MYZAP: variants seen among roughly 807,000 people sequenced by gnomAD.
MYZAP encodes myocardial zonula adherens protein.
A neutral mutation model predicts 69.4 loss-of-function variants in MYZAP; 66 were observed. The ratio of observed to expected loss-of-function variants is 0.95; its 90% CI spans 0.78 to 1.17. The LOEUF is 1.17. Ranked by LOEUF, MYZAP falls within the 50% of genes most tolerant of loss-of-function variation. MYZAP has a pLI of 0.00. For missense variants in MYZAP, 611 were observed against 556.2 expected (o/e 1.10, Z -0.99); for synonymous variants, 256 against 205.9 (o/e 1.24, Z -2.09).
intron 2 of MYZAP, among the ~76,000 whole-genome samples, chr15:57,609,203 G>C (rs1358414408): frequency 1.3e-5 from 2 of 152,170 alleles, no homozygotes; most frequent in South Asian, 4.1e-4. Context: ...CACATAGTAG[G>C]TGCTTAATGA....
intron 2 of MYZAP, among the ~76,000 whole-genome samples, chr15:57,615,749 A>C (rs1030911097): frequency 2.0e-5 from 3 of 152,154 alleles, no homozygotes; most frequent in Non-Finnish European, 4.4e-5. Context: ...TTAACAGCTC[A>C]GTTACCCAAA....
chr15:57,684,835 A>G lies in MYZAP; in HGVS notation c.*337A>G, dbSNP rs1366180713. On this transcript the variant is annotated 3_prime_UTR_variant, in exon 13 of 13. Coordinates refer to ENST00000267853, the MANE Select transcript of MYZAP (RefSeq NM_001018100.5). ...GACTTTGGTTGGGAGGGAAAAGGACATTAATTTGAAGTTTCATGTTATTCA... is the reference window on the plus strand; with the variant it reads ...GACTTTGGTTGGGAGGGAAAAGGACGTTAATTTGAAGTTTCATGTTATTCA... The G allele has an allele frequency of 1.6e-5, 3 of 183,228 alleles. No individual in the cohort carries two copies. The highest frequency in any genetic ancestry group is 4.7e-5 in the African/African-American group (2 of 42,278). 11.4% of individuals were successfully genotyped at this position (183,228 alleles called of 1,614,324 possible).
chr15:57,627,429 A>C (rs1033732870), intron 5 of MYZAP, among the ~76,000 whole-genome samples: 6 of 149,016 alleles, frequency 4.0e-5, no homozygotes, highest in Admixed American at 4.0e-4. Context: ...GAGGAGGAGG[A>C]GGAGAAGGAG....
intron 3 of MYZAP, among the ~76,000 whole-genome samples, chr15:57,620,611 G>A (rs1041411852): frequency 1.2e-4 from 18 of 152,224 alleles, no homozygotes; most frequent in African/African-American, 4.3e-4. Flanking sequence ...GTGTTTTTGG[G>A]ATCACTTGAA....
At chr15:57,616,403 G>A (rs1217961009) in intron 2 of MYZAP, among the ~76,000 whole-genome samples, 1 of 152,156 alleles carries the variant, frequency 6.6e-6, no homozygotes, top group African/African-American at 2.4e-5. Context: ...ACTTTGGGGG[G>A]CCGAGGTGGG....
chr15:57,639,595 GA>G, intron 10 of MYZAP, 50 bp downstream of exon 10: 1 of 1,582,442 alleles, frequency 6.3e-7, no homozygotes, highest in South Asian at 1.1e-5. Context: ...CTGTGGTGGG[GA>G]AGCATCCCCA....
chr15:57,639,307 GA>G, intron 9 of MYZAP, 132 bp from the exon 10 acceptor site: 1 of 935,516 alleles, frequency 1.1e-6, no homozygotes, highest in Non-Finnish European at 1.6e-6. Flanking sequence ...TTGGCCTCTT[GA>G]AGTGTTGGGA....
intron 2 of MYZAP, among the ~76,000 whole-genome samples, 199 bp downstream of exon 2, chr15:57,604,554 G>A (rs191299482): frequency 8.7e-4 from 133 of 152,198 alleles, no homozygotes; most frequent in Non-Finnish European, 1.5e-3. Flanking sequence ...TGCCACCGAC[G>A]TGCCCTGCTC....
At position 57,611,947 on chromosome 15, in the gene MYZAP, T is replaced by C. The variant is rs146361479; in HGVS notation, c.163-6086T>C. Among the ~76,000 whole-genome samples, 793 of 152,310 alleles carry C rather than the reference T, an allele frequency of 5.2e-3. 8 individuals carry two copies. The highest frequency in any genetic ancestry group is 0.018 in the African/African-American group (748 of 41,566). On this transcript the variant is annotated intron_variant, in intron 2 of 12. Transcript: ENST00000267853. ...AGAGGTTTCAGTTTTTCTGAGAATA[T>C]TTATTTCCCAGGCTGTGGAAAGGCC... is the stretch of plus-strand genomic sequence containing the variant.
chr15:57,625,360 T>G (rs527581488), intron 4 of MYZAP, among the ~76,000 whole-genome samples: 112 of 152,278 alleles, frequency 7.4e-4, no homozygotes, highest in African/African-American at 2.6e-3. Context: ...AAAAACACTC[T>G]TGAGAATTGA....
Position 57,617,350 on chromosome 15 carries a change from A to G in MYZAP, c.163-683A>G, listed in dbSNP as rs117662061. Among the ~76,000 whole-genome samples, 1,215 of 152,314 alleles carry G rather than the reference A, an allele frequency of 8.0e-3. 11 individuals carry two copies. Among genetic ancestry groups the G allele is most frequent in the South Asian group, 0.045 (216 of 4,828 alleles). On this transcript the variant is annotated intron_variant, in intron 2 of 12. Coordinates refer to ENST00000267853, the MANE Select transcript of MYZAP (RefSeq NM_001018100.5). The stretch of plus-strand genomic sequence containing the variant: ...CCTGCTTGTTAAGCCTTCATTCTAT[A>G]AAGGCGTGTTAAGGCTTGGACATGT...
chr15:57,596,967 C>T lies in MYZAP; in HGVS notation c.75+4858C>T, dbSNP rs1393664774. 9.9e-5 allele frequency among the ~76,000 whole-genome samples: 15 copies of T among 152,158 alleles called. 1 individual carries two copies. The highest frequency in any genetic ancestry group is 1.5e-5 in the Non-Finnish European group (1 of 68,034). On this transcript the variant is annotated intron_variant, in intron 1 of 12. Coordinates refer to ENST00000267853, the MANE Select transcript of MYZAP (RefSeq NM_001018100.5). ...AAGACAGGGCTTAGGAACCACCCCT[C>T]CCCAGGCCTGGTGGAATAGGCAGTT...
intron 10 of MYZAP, among the ~76,000 whole-genome samples, chr15:57,641,645 C>G (rs1055886140): frequency 2.6e-5 from 4 of 152,126 alleles, no homozygotes; most frequent in African/African-American, 4.8e-5. Flanking sequence ...TGTAGACCAC[C>G]ACCACCACCA....
chr15:57,669,647 C>T (rs1276413817), intron 11 of MYZAP, among the ~76,000 whole-genome samples: 1 of 151,926 alleles, frequency 6.6e-6, no homozygotes, highest in East Asian at 1.9e-4. Context: ...TGACTTTTGC[C>T]CTGATGTTCA....
chr15:57,643,167 A>T (rs1436005907), intron 10 of MYZAP, among the ~76,000 whole-genome samples: 2 of 152,250 alleles, frequency 1.3e-5, no homozygotes, highest in Non-Finnish European at 1.5e-5. Flanking sequence ...ATATAGAAAA[A>T]TGCCGAGGGA....
At chr15:57,634,443 G>C (rs546788195) in intron 8 of MYZAP, among the ~76,000 whole-genome samples, 1 of 152,296 alleles carries the variant, frequency 6.6e-6, no homozygotes, top group South Asian at 2.1e-4. Flanking sequence ...GGCTGCATAT[G>C]AGTTTGCAGA....
intron 11 of MYZAP, among the ~76,000 whole-genome samples, chr15:57,671,355 G>A (rs188092548): frequency 6.6e-6 from 1 of 152,230 alleles, no homozygotes; most frequent in Admixed American, 6.5e-5. Flanking sequence ...AAGTTTGACT[G>A]TAATGTGTTT....
chr15:57,596,462 A>G (rs758417394), intron 1 of MYZAP, among the ~76,000 whole-genome samples: 23 of 152,216 alleles, frequency 1.5e-4, no homozygotes, highest in Non-Finnish European at 2.9e-4. Context: ...GTCTTACGGA[A>G]TTCCAGTACT....
chr15:57,630,682 A>T (rs2036450443), intron 6 of MYZAP, among the ~76,000 whole-genome samples: 1 of 152,178 alleles, frequency 6.6e-6, no homozygotes, highest in East Asian at 1.9e-4. Flanking sequence ...AACTGTGGAT[A>T]GACTTCCTAC....
Sources: gnomAD v4.1 joint callset for allele counts (sites outside exome capture counted in the v4.1 genomes callset) on GRCh38, gnomAD v4.1.1 for gene constraint, MANE v1.5 for transcripts, NCBI Gene and HGNC (gene_info 2026-07-23, HGNC 2026-07-21) for gene names.